Variants in CLVS1 observed in about 807,000 individuals in gnomAD.
CLVS1 encodes clavesin-1.
CLVS1 carries 10 observed loss-of-function variants against 33.1 expected under a neutral mutation model. The ratio of observed to expected loss-of-function variants is 0.30; its 90% confidence interval spans 0.19 to 0.51. CLVS1 has a LOEUF of 0.51. Ranked by LOEUF, CLVS1 falls within the 20% of genes least tolerant of loss-of-function variation. The pLI is 0.97. For synonymous variants in CLVS1, 163 were observed against 166.1 expected (o/e 0.98, Z 0.14); for missense variants, 343 against 433.4 (o/e 0.79, Z 1.85).
intron 2 of CLVS1, among the ~76,000 whole-genome samples, chr8:61,154,969 C>T (rs1806620541): frequency 6.6e-6 from 1 of 152,118 alleles, no homozygotes; most frequent in Non-Finnish European, 1.5e-5. Context: ...TCAGCAGGCC[C>T]ATGTGAGTAG....
intron 2 of CLVS1, among the ~76,000 whole-genome samples, chr8:61,261,159 T>C (rs778129545): frequency 4.6e-5 from 7 of 152,196 alleles, no homozygotes; most frequent in Non-Finnish European, 8.8e-5. Context: ...GTTCCAATAC[T>C]GCTTCCCATA....
chr8:61,282,132 C>A, intron 2 of CLVS1, among the ~76,000 whole-genome samples: 1 of 152,296 alleles, frequency 6.6e-6, no homozygotes, highest in Middle Eastern at 3.4e-3. Flanking sequence ...CTTAACTGAG[C>A]GGACTACTCT....
the CLVS1 span, among the ~76,000 whole-genome samples, chr8:61,006,962 G>A: frequency 2.0e-5 from 3 of 152,342 alleles, no homozygotes; most frequent in Middle Eastern, 3.4e-3. Context: ...AAAATTGGGT[G>A]ATTCCTGCAT....
intron 2 of CLVS1, among the ~76,000 whole-genome samples, chr8:61,235,302 C>T (rs1808532302): frequency 2.0e-5 from 3 of 152,156 alleles, no homozygotes; most frequent in South Asian, 2.1e-4. Context: ...GATTCCACTG[C>T]AATGCTCTGG....
At chr8:61,170,354 C>G (rs919919140) in intron 2 of CLVS1, among the ~76,000 whole-genome samples, 3 of 152,170 alleles carry the variant, frequency 2.0e-5, no homozygotes, top group Non-Finnish European at 4.4e-5. Context: ...GTTCTCCACT[C>G]TGCCTGTCTT....
intron 5 of CLVS1, among the ~76,000 whole-genome samples, chr8:61,464,361 T>A (rs1817473737): frequency 6.6e-6 from 1 of 152,214 alleles, no homozygotes; most frequent in South Asian, 2.1e-4. Context: ...CTTGTCTAAT[T>A]GCTTCAAAAC....
At chr8:61,377,560 G>A (rs1044121203) in intron 3 of CLVS1, 3 of 152,202 alleles carry the variant, frequency 2.0e-5, no homozygotes, top group African/African-American at 7.2e-5. Flanking sequence ...ATAGACGGCA[G>A]TTATAGGCAG....
At chr8:61,335,653 T>C (rs564316881) in intron 2 of CLVS1, among the ~76,000 whole-genome samples, 1 of 152,364 alleles carries the variant, frequency 6.6e-6, no homozygotes, top group Non-Finnish European at 1.5e-5. Context: ...AGTAAAAATC[T>C]AGATGACATA....
At chr8:61,317,280 T>A (rs933857401) in intron 2 of CLVS1, among the ~76,000 whole-genome samples, 4 of 152,164 alleles carry the variant, frequency 2.6e-5, no homozygotes, top group Admixed American at 6.5e-5. Flanking sequence ...TGTCCTCACA[T>A]GGCAGAAAGC....
chr8:61,324,295 A>G (rs1305391854), intron 2 of CLVS1, among the ~76,000 whole-genome samples: 1 of 152,090 alleles, frequency 6.6e-6, no homozygotes, highest in Non-Finnish European at 1.5e-5. Flanking sequence ...ATGGTGGTGA[A>G]TAAGTCTCAT....
At chr8:61,142,349 C>T (rs1423405575) in intron 2 of CLVS1, among the ~76,000 whole-genome samples, 1 of 152,162 alleles carries the variant, frequency 6.6e-6, no homozygotes, top group Non-Finnish European at 1.5e-5. Context: ...GAGGCCTCCC[C>T]AGCCATGTGG....
intron 2 of CLVS1, among the ~76,000 whole-genome samples, chr8:61,203,940 C>T (rs914249436): frequency 3.3e-5 from 5 of 152,234 alleles, no homozygotes; most frequent in Non-Finnish European, 7.3e-5. Flanking sequence ...ATTTATGAAG[C>T]AACTGCTAGG....
intron 2 of CLVS1, among the ~76,000 whole-genome samples, chr8:61,255,755 T>G (rs549436894): frequency 6.6e-6 from 1 of 152,212 alleles, no homozygotes; most frequent in East Asian, 1.9e-4. Context: ...CCAAAAGATT[T>G]GCCATAATTT....
the CLVS1 span, among the ~76,000 whole-genome samples, chr8:61,032,081 G>A: frequency 2.1e-4 from 32 of 152,322 alleles, no homozygotes; most frequent in Middle Eastern, 0.01. Flanking sequence ...GTGGGAACAG[G>A]TTGTACAACC....
At chr8:61,445,154 T>G (rs1412811893) in intron 3 of CLVS1, among the ~76,000 whole-genome samples, 1 of 152,240 alleles carries the variant, frequency 6.6e-6, no homozygotes, top group South Asian at 2.1e-4. Flanking sequence ...TTGATCATAG[T>G]GTCTAATTCT....
chr8:61,113,541 T>C (rs1034508713), intron 1 of CLVS1, among the ~76,000 whole-genome samples: 1 of 152,186 alleles, frequency 6.6e-6, no homozygotes, highest in African/African-American at 2.4e-5. Context: ...TGTTGCATTA[T>C]CCAGGAAGTA....
At chr8:60,977,831 TAA>T in the CLVS1 span, among the ~76,000 whole-genome samples, 3 of 149,842 alleles carry the variant, frequency 2.0e-5, no homozygotes, top group Non-Finnish European at 1.5e-5. Flanking sequence ...CCAAGAGGCA[TAA>T]ACTCAAAGAA....
intron 5 of CLVS1, among the ~76,000 whole-genome samples, chr8:61,483,762 G>A (rs1026725387): frequency 1.3e-5 from 2 of 152,328 alleles, no homozygotes; most frequent in African/African-American, 2.4e-5. Flanking sequence ...GATCAAGTGT[G>A]CTTCATCCCT....
the CLVS1 span, among the ~76,000 whole-genome samples, chr8:61,014,806 C>T: frequency 6.6e-6 from 1 of 152,194 alleles, no homozygotes; most frequent in African/African-American, 2.4e-5. Flanking sequence ...CATAGTTGGG[C>T]AAAACAACTG....
Sources: allele counts gnomAD v4.1 joint callset (sites outside exome capture counted in the v4.1 genomes callset), GRCh38; gene constraint gnomAD v4.1.1; transcripts MANE v1.5; gene names NCBI Gene and HGNC (gene_info 2026-07-23, HGNC 2026-07-21).